Variants in TMTC1 observed in about 807,000 individuals in gnomAD.
TMTC1 encodes protein O-mannosyl-transferase TMTC1.
Under a neutral mutation model 104.8 loss-of-function variants are expected in TMTC1, and 73 were observed. The ratio of observed to expected loss-of-function variants is 0.70; its 90% CI spans 0.58 to 0.85. The LOEUF (loss-of-function observed/expected upper bound fraction) is 0.85. Among genes scored for constraint, TMTC1 ranks in the 40% least tolerant of loss-of-function variants. The pLI is 0.00. For synonymous variants in TMTC1, 434 were observed against 428.7 expected (o/e 1.01, Z -0.15); for missense variants, 1,035 against 1,096.1 (o/e 0.94, Z 0.79).
intron 5 of TMTC1, among the ~76,000 whole-genome samples, chr12:29,686,459 T>C (rs2882466): frequency 0.14 from 21,063 of 152,124 alleles, 1,744 homozygotes; most frequent in East Asian, 0.34. Context: ...TGATCTGTAT[T>C]ATTTGCTCAT....
intron 5 of TMTC1, among the ~76,000 whole-genome samples, chr12:29,748,794 G>C (rs1943018311): frequency 6.6e-6 from 1 of 152,036 alleles, no homozygotes; most frequent in Non-Finnish European, 1.5e-5. Flanking sequence ...CAAAGTTTTA[G>C]GAATTTTACA....
rs771255551 is a variant in TMTC1 at position 29,536,247 on chromosome 12, C to T, written c.1747G>A (p.Asp583Asn). Reference sequence around the variant, plus strand: ...AACGAAGCTAAGCTTGAATATGCATCTGCAAACTCTGGACCATATTTGATG... The same window carrying T: ...AACGAAGCTAAGCTTGAATATGCATTTGCAAACTCTGGACCATATTTGATG... Reference protein sequence around the residue: ...DSIKYGPEFADAYSSLASLLA... With the variant: ...DSIKYGPEFANAYSSLASLLA... Residue 583 changes from aspartate to asparagine, a missense_variant, in exon 11 of 18, where the codon GAT becomes AAT. Physicochemically the swap from Asp to Asn is conservative, Grantham distance 23 (BLOSUM62 1). Transcript: ENST00000539277. 6.2e-6 allele frequency: 10 copies of T among 1,613,256 alleles called. No homozygotes were observed. The highest frequency in any genetic ancestry group is 1.7e-4 in the Middle Eastern group (1 of 6,056).
chr12:29,672,100 A>G (rs1232989493), intron 5 of TMTC1, among the ~76,000 whole-genome samples: 1 of 152,204 alleles, frequency 6.6e-6, no homozygotes, highest in Non-Finnish European at 1.5e-5. Context: ...TGGAAGCTTG[A>G]GCAGCAGTAT....
At chr12:29,685,117 T>C (rs979393413) in intron 5 of TMTC1, among the ~76,000 whole-genome samples, 12 of 152,224 alleles carry the variant, frequency 7.9e-5, no homozygotes, top group African/African-American at 2.4e-4. Flanking sequence ...ACATTGTAAA[T>C]GATTTATTTC....
intron 5 of TMTC1, among the ~76,000 whole-genome samples, chr12:29,692,742 G>A (rs1430237605): frequency 6.9e-6 from 1 of 145,138 alleles, no homozygotes; most frequent in Non-Finnish European, 1.5e-5. Context: ...CCATCCAAAT[G>A]TCCACTTACA....
intron 3 of TMTC1, among the ~76,000 whole-genome samples, chr12:29,757,291 C>T (rs7962120): frequency 0.1 from 15,507 of 152,234 alleles, 822 homozygotes; most frequent in South Asian, 0.15. Context: ...CTGGCATTTT[C>T]TGCCAGATAA....
intron 6 of TMTC1, among the ~76,000 whole-genome samples, chr12:29,614,581 C>A (rs1946929925): frequency 6.6e-6 from 1 of 152,178 alleles, no homozygotes; most frequent in South Asian, 2.1e-4. Flanking sequence ...TTGTAATTTT[C>A]TGAGTTCAGA....
chr12:29,660,916 A>G, intron 5 of TMTC1: 1 of 1,363,260 alleles, frequency 7.3e-7, no homozygotes, highest in Non-Finnish European at 9.9e-7. Flanking sequence ...AATCTTAGAT[A>G]AGTGTGTCTA....
chr12:29,689,898 G>A (rs1941213136), intron 5 of TMTC1, among the ~76,000 whole-genome samples: 1 of 152,082 alleles, frequency 6.6e-6, no homozygotes, highest in African/African-American at 2.4e-5. Flanking sequence ...CGTCTCTCTT[G>A]CATTATAACA....
rs1221500473 is a variant in TMTC1, at chr12:29,517,427, C to G, written c.2169G>C (p.Leu723=). The change falls in exon 14 of 18, where the codon CTG becomes CTC. Residue 723 remains leucine (L), a splice_region_variant and synonymous_variant. Transcript: ENST00000539277. ...QPSQRELRLA[L]AQVLAVMGQT... Reference sequence around the variant, plus strand: ...CTTCATTTTCTTTCATCCTACTCACCAGTGCCAAGCGGAGCTCCCTCTGAG... The same window carrying G: ...CTTCATTTTCTTTCATCCTACTCACGAGTGCCAAGCGGAGCTCCCTCTGAG... 5 of 1,614,034 alleles carry G rather than the reference C, an allele frequency of 3.1e-6. No individual in the cohort carries two copies. In the East Asian group the frequency reaches 1.1e-4, roughly 36 times the overall value.
At chr12:29,519,489 T>C (rs1186413129) in intron 12 of TMTC1, 2 of 152,214 alleles carry the variant, frequency 1.3e-5, no homozygotes, top group Non-Finnish European at 2.9e-5. Context: ...GTAACTACAC[T>C]TTAGAACACT....
intron 7 of TMTC1, among the ~76,000 whole-genome samples, chr12:29,594,858 T>C (rs995232559): frequency 6.6e-6 from 1 of 152,204 alleles, no homozygotes; most frequent in Non-Finnish European, 1.5e-5. Context: ...TTGTTCACTT[T>C]TGAGCTGCTC....
chr12:29,774,357 A>G (rs1371797989), intron 1 of TMTC1, among the ~76,000 whole-genome samples: 1 of 152,182 alleles, frequency 6.6e-6, no homozygotes, highest in African/African-American at 2.4e-5. Flanking sequence ...AGCTTAAGGG[A>G]AGGCTGCTAG....
At chr12:29,686,127 T>C (rs2136735630) in intron 5 of TMTC1, among the ~76,000 whole-genome samples, 1 of 152,298 alleles carries the variant, frequency 6.6e-6, no homozygotes, top group South Asian at 2.1e-4. Flanking sequence ...TCGGTCTTAC[T>C]AGACATCTGA....
chr12:29,679,284 GT>G (rs1269060933), intron 5 of TMTC1, among the ~76,000 whole-genome samples: 2 of 151,936 alleles, frequency 1.3e-5, no homozygotes, highest in African/African-American at 4.8e-5. Context: ...AATAATAGAG[GT>G]TTCCCCTGGG....
intron 10 of TMTC1, among the ~76,000 whole-genome samples, chr12:29,536,927 T>C (rs1185278666): frequency 2.0e-5 from 3 of 152,210 alleles, no homozygotes; most frequent in African/African-American, 7.2e-5. Context: ...GCTAATTCTG[T>C]CTTCTTCATT....
intron 5 of TMTC1, among the ~76,000 whole-genome samples, chr12:29,710,564 T>G (rs1000911096): frequency 6.9e-6 from 1 of 145,406 alleles, no homozygotes; most frequent in Non-Finnish European, 1.5e-5. Context: ...ATATAAAATA[T>G]TGTATATAAT....
chr12:29,783,659 C>T lies in TMTC1; in HGVS notation c.93G>A (p.Ala31=), dbSNP rs1186071136. ...GCGLAPAGAA[A]LLAGASCLCY... ...ACAGGCAGCTTGCCCCGGCCAGCAG[C>T]GCCGCGGCCCCGGCCGGCGCTAGCC... The change falls in exon 1 of 18, where the codon GCG becomes GCA. Residue 31 remains alanine, a synonymous_variant. Coordinates refer to ENST00000539277, the MANE Select transcript of TMTC1 (RefSeq NM_001193451.2). The surrounding 1 kb of genome is among the most constrained non-coding windows in gnomAD (Gnocchi z 4.7). 4 of 1,376,284 alleles carry T rather than the reference C, an allele frequency of 2.9e-6. No individual in the cohort carries two copies. Among genetic ancestry groups the T allele is most frequent in the Admixed American group, 3.0e-5 (1 of 33,626 alleles). The allele number at this position is 1,376,284 out of a possible 1,614,324, so 85.3% of individuals were successfully genotyped here. A position where few individuals can be genotyped will look rare whatever the true frequency, so the allele number is the denominator to read the frequency against.
At chr12:29,593,189 G>A (rs998117233) in intron 7 of TMTC1, among the ~76,000 whole-genome samples, 5 of 152,192 alleles carry the variant, frequency 3.3e-5, no homozygotes, top group Admixed American at 3.3e-4. Flanking sequence ...CTCTCATGGA[G>A]CCTTTGTGAT....
Sources: gnomAD v4.1 joint callset for allele counts (sites outside exome capture counted in the v4.1 genomes callset) on GRCh38, gnomAD v4.1.1 for gene constraint, Gnocchi (gnomAD v3.1) non-coding constraint, MANE v1.5 for transcripts, NCBI Gene and HGNC (gene_info 2026-07-23, HGNC 2026-07-21) for gene names.